TBC1D22A: variants seen among roughly 807,000 people sequenced by gnomAD.
TBC1D22A encodes putative GTPase activator.
TBC1D22A carries 38 observed loss-of-function variants against 60.2 expected under a neutral mutation model. The ratio of observed to expected loss-of-function variants is 0.63; its 90% confidence interval spans 0.49 to 0.83. TBC1D22A has a LOEUF of 0.83. Ranked by LOEUF, TBC1D22A falls within the 40% of genes least tolerant of loss-of-function variation. The pLI is 0.00. For synonymous variants in TBC1D22A, 302 were observed against 281.7 expected (o/e 1.07, Z -0.72); for missense variants, 628 against 701.0 (o/e 0.90, Z 1.18).
chr22:46,875,153 A>G (rs914688707), intron 4 of TBC1D22A, among the ~76,000 whole-genome samples: 20 of 152,228 alleles, frequency 1.3e-4, no homozygotes, highest in African/African-American at 4.6e-4. Flanking sequence ...GTGACACAGA[A>G]GTCTAAGAAT....
At chr22:47,140,698 CCTT>C (rs1601644949) in intron 12 of TBC1D22A, among the ~76,000 whole-genome samples, 1 of 152,368 alleles carries the variant, frequency 6.6e-6, no homozygotes, top group Non-Finnish European at 1.5e-5. Context: ...TGCCTTTGCT[CCTT>C]CTGCAGGCCC....
At position 46,886,781 on chromosome 22, in the gene TBC1D22A, T is replaced by A. The variant is rs78637673; in HGVS notation, c.709-4485T>A. 9.2e-3 allele frequency among the ~76,000 whole-genome samples: 1,394 copies of A among 152,344 alleles called. 12 individuals are homozygous for A. The highest frequency in any genetic ancestry group is 0.015 in the Non-Finnish European group (1,036 of 68,028). ...CTGTAAAGGCCTAGATAGTAAATAT[T>A]TGAGCCTGTAGGCCATGTGGTCTCC... On this transcript the variant is annotated intron_variant, in intron 5 of 12. Transcript: ENST00000337137.
chr22:47,165,403 C>T (rs536112957), intron 12 of TBC1D22A, among the ~76,000 whole-genome samples: 36 of 152,332 alleles, frequency 2.4e-4, no homozygotes, highest in African/African-American at 7.7e-4. Flanking sequence ...TGCACCAGCA[C>T]GGGTATCGCT....
rs893765854 is a variant in TBC1D22A, at chr22:46,913,273, TG to T, written c.1015+1086del. On this transcript the variant is annotated intron_variant, in intron 8 of 12. Coordinates refer to ENST00000337137, the MANE Select transcript of TBC1D22A (RefSeq NM_014346.5). The stretch of plus-strand genomic sequence containing the variant: ...CAGCATTTTAATTTAAACCTGGTTT[TG>T]TCTTCCTGCAAGCCTTCTGGACTTG... 10 of 1,268,672 alleles carry T rather than the reference TG, an allele frequency of 7.9e-6. No homozygotes were observed. In the African/African-American group the frequency reaches 1.2e-4, roughly 15 times the overall value. 78.6% of individuals were successfully genotyped at this position (1,268,672 alleles called of 1,614,324 possible).
intron 8 of TBC1D22A, chr22:46,913,387 G>C: frequency 1.5e-6 from 2 of 1,366,494 alleles, no homozygotes; most frequent in Non-Finnish European, 9.8e-7. Flanking sequence ...GATCTGGAGA[G>C]ATGAGCCTTA....
chr22:46,849,282 C>T (rs927101529), intron 4 of TBC1D22A, among the ~76,000 whole-genome samples: 1 of 152,220 alleles, frequency 6.6e-6, no homozygotes, highest in African/African-American at 2.4e-5. Context: ...TGTGGGTGAC[C>T]TGCCATCACT....
intron 11 of TBC1D22A, among the ~76,000 whole-genome samples, chr22:47,090,258 C>T (rs531375118): frequency 3.3e-5 from 5 of 152,344 alleles, no homozygotes; most frequent in Admixed American, 2.0e-4. Flanking sequence ...CTCATGTCTC[C>T]ACCCGGCACA....
chr22:47,020,904 A>G (rs1397349313), intron 10 of TBC1D22A, among the ~76,000 whole-genome samples: 1 of 151,710 alleles, frequency 6.6e-6, no homozygotes, highest in East Asian at 1.9e-4. Context: ...CTTAGCAAGC[A>G]GGAGCTAGAG....
intron 12 of TBC1D22A, among the ~76,000 whole-genome samples, chr22:47,113,929 C>A (rs565225834): frequency 1.3e-4 from 20 of 152,250 alleles, no homozygotes; most frequent in Admixed American, 3.9e-4. Flanking sequence ...AGTGGGCCTC[C>A]TACCACCCTG....
At chr22:46,821,936 T>G (rs960150849) in intron 4 of TBC1D22A, among the ~76,000 whole-genome samples, 1 of 150,074 alleles carries the variant, frequency 6.7e-6, no homozygotes, top group Non-Finnish European at 1.5e-5. Flanking sequence ...TGTTCATTCT[T>G]TTTCATTCTT....
intron 7 of TBC1D22A, among the ~76,000 whole-genome samples, chr22:46,895,959 G>A (rs1408461228): frequency 2.0e-5 from 3 of 152,120 alleles, no homozygotes; most frequent in East Asian, 1.9e-4. Flanking sequence ...CTTCCCAGAC[G>A]GCCGCTACCA....
chr22:46,982,770 T>C (rs1328076192), intron 9 of TBC1D22A, among the ~76,000 whole-genome samples: 2 of 152,050 alleles, frequency 1.3e-5, no homozygotes, highest in Admixed American at 6.5e-5. Context: ...CTAAACTAGG[T>C]GGTGGCGGGA....
chr22:46,905,049 C>T (rs950283469), intron 7 of TBC1D22A, among the ~76,000 whole-genome samples: 3 of 152,242 alleles, frequency 2.0e-5, no homozygotes, highest in African/African-American at 4.8e-5. Flanking sequence ...GCTGGGATTA[C>T]AGGCGTGAGC....
At chr22:47,057,228 C>T (rs1383293172) in intron 11 of TBC1D22A, among the ~76,000 whole-genome samples, 4 of 152,102 alleles carry the variant, frequency 2.6e-5, no homozygotes, top group Non-Finnish European at 4.4e-5. Context: ...CGCAAATGAG[C>T]GCTGGGCAGC....
intron 4 of TBC1D22A, among the ~76,000 whole-genome samples, chr22:46,806,044 G>A (rs1311800679): frequency 1.3e-5 from 2 of 151,900 alleles, no homozygotes; most frequent in East Asian, 1.9e-4. Context: ...GTAGAGACGG[G>A]GTTTCACCAT....
chr22:46,973,374 C>T lies in TBC1D22A; in HGVS notation c.1016-916C>T, dbSNP rs756342545. Reference sequence around the variant, plus strand: ...AGAGTGGTGACAGCTGAAATGAGCACGCACATTCACAGTGCGCAGGAGAGG... The same window carrying T: ...AGAGTGGTGACAGCTGAAATGAGCATGCACATTCACAGTGCGCAGGAGAGG... On this transcript the variant is annotated intron_variant, in intron 8 of 12. Transcript: ENST00000337137. Among the ~76,000 whole-genome samples, 31 of 152,322 alleles carry T rather than the reference C, an allele frequency of 2.0e-4. 1 individual carries two copies. Among genetic ancestry groups the T allele is most frequent in the Non-Finnish European group, 3.7e-4 (25 of 68,034 alleles).
chr22:47,030,077 T>C lies in TBC1D22A; in HGVS notation c.1202-6994T>C, dbSNP rs1243646061. Among the ~76,000 whole-genome samples the C allele has an allele frequency of 4.6e-5, 7 of 152,354 alleles. No homozygotes were observed. The South Asian group carries it at 8.3e-4, about 18-fold the overall frequency. On this transcript the variant is annotated intron_variant, in intron 10 of 12. Transcript: ENST00000337137. ...GGAGGTGGGCTCAGAGTGGGGGGCC[T>C]CTTGGTGCGGAGGGGCCCTGCTCAC...
chr22:47,051,251 G>A (rs1041386842), intron 11 of TBC1D22A, among the ~76,000 whole-genome samples: 1 of 152,178 alleles, frequency 6.6e-6, no homozygotes. Flanking sequence ...AAACCCTCCA[G>A]GTTCCAGACA....
At position 46,793,696 on chromosome 22, in the gene TBC1D22A, C is replaced by T. The variant is rs2084523917; in HGVS notation, c.315C>T (p.His105=). Residue 105 remains histidine, a synonymous_variant, in exon 3 of 13, where the codon CAC becomes CAT. Transcript: ENST00000337137. ...METANRVLRN[H]SQRQGRPTLQ... ...CGGCCAACCGTGTGCTGCGTAACCA[C>T]AGCCAGCGGCAGGGGCGGCCCACGC... is the stretch of plus-strand genomic sequence containing the variant. 4 of 1,612,516 alleles carry T rather than the reference C, an allele frequency of 2.5e-6. No individual in the cohort carries two copies. Among genetic ancestry groups the T allele is most frequent in the Middle Eastern group, 1.7e-4 (1 of 5,792 alleles).
Sources: gnomAD v4.1 joint callset for allele counts (sites outside exome capture counted in the v4.1 genomes callset) on GRCh38, gnomAD v4.1.1 for gene constraint, MANE v1.5 for transcripts, NCBI Gene and HGNC (gene_info 2026-07-23, HGNC 2026-07-21) for gene names.